Variants in WDR88 observed in about 807,000 individuals in gnomAD.
The protein encoded by WDR88 is WD repeat-containing protein 88.
In WDR88, 40 loss-of-function variants were observed where a neutral mutation model predicts 46.8. The ratio of observed to expected loss-of-function variants is 0.86; its 90% CI spans 0.66 to 1.11. The LOEUF (loss-of-function observed/expected upper bound fraction) is 1.11. Ranked by LOEUF, WDR88 falls within the 50% of genes most tolerant of loss-of-function variation. The pLI, the probability that WDR88 is intolerant of heterozygous loss-of-function variation, is 0.00. For synonymous variants in WDR88, 235 were observed against 240.7 expected (o/e 0.98, Z 0.22); for missense variants, 562 against 602.4 (o/e 0.93, Z 0.70).
intron 9 of WDR88, among the ~76,000 whole-genome samples, chr19:33,165,031 C>A (rs903511752): frequency 6.6e-5 from 10 of 151,964 alleles, no homozygotes; most frequent in African/African-American, 2.4e-4. Flanking sequence ...AAGGAGCACA[C>A]AGCCTAGATC....
At chr19:33,163,747 C>G (rs1374418406) in intron 8 of WDR88, among the ~76,000 whole-genome samples, 1 of 151,480 alleles carries the variant, frequency 6.6e-6, no homozygotes, top group Non-Finnish European at 1.5e-5. Context: ...ACTCTCCCAC[C>G]TTAGCCTCCT....
In WDR88 at chr19:33,148,868, A is replaced by C; in HGVS notation, c.637A>C (p.Ile213Leu). ...CTTCGACGTGGATCATGGAATCTGC[A>C]TAATGGACGCCGAGAACATCACCAC... ...SGFDVDHGIC[I>L]MDAENITTVS... Residue 213 changes from isoleucine to leucine, a missense_variant, in exon 5 of 11, where the codon ATA becomes CTA. By Grantham distance (5) the Ile-to-Leu change is conservative. Transcript: ENST00000355868. The C allele has an allele frequency of 6.2e-7, 1 of 1,614,160 alleles. No homozygotes were observed. The highest frequency in any genetic ancestry group is 8.5e-7 in the Non-Finnish European group (1 of 1,180,030).
intron 1 of WDR88, among the ~76,000 whole-genome samples, chr19:33,134,644 G>A (rs1973213460): frequency 6.6e-6 from 1 of 152,088 alleles, no homozygotes; most frequent in South Asian, 2.1e-4. Context: ...GCCGCTCCTG[G>A]GGTAGGGAGC....
chr19:33,153,110 A>G (rs903915468), intron 6 of WDR88, among the ~76,000 whole-genome samples: 1 of 151,910 alleles, frequency 6.6e-6, no homozygotes, highest in Non-Finnish European at 1.5e-5. Context: ...GAGTGCAGTG[A>G]CGTGATCATA....
At chr19:33,144,102 C>T (rs1343476978) in intron 2 of WDR88, among the ~76,000 whole-genome samples, 1 of 152,178 alleles carries the variant, frequency 6.6e-6, no homozygotes, top group Non-Finnish European at 1.5e-5. Flanking sequence ...TCTAAAACTG[C>T]GCAGCCCCAC....
rs1973735862 is a variant in WDR88, at chr19:33,156,402, A to G, written c.857A>G (p.His286Arg). The G allele has an allele frequency of 1.2e-6, 2 of 1,614,154 alleles. No homozygotes were observed. Among genetic ancestry groups the G allele is most frequent in the Non-Finnish European group, 1.7e-6 (2 of 1,180,030 alleles). ...AACTGCTGTTTTACCTTCAGTGGCC[A>G]TTTCCTGTGTACAAGCTCCTGGGAT... ...ISNCCFTFSG[H>R]FLCTSSWDKN... Residue 286 changes from histidine (H) to arginine (R), a missense_variant, in exon 7 of 11, where the codon CAT becomes CGT. By Grantham distance (29) the His-to-Arg change is conservative. Coordinates refer to ENST00000355868, the MANE Select transcript of WDR88 (RefSeq NM_173479.4).
intron 5 of WDR88, among the ~76,000 whole-genome samples, chr19:33,149,880 G>A (rs934907672): frequency 6.6e-6 from 1 of 151,904 alleles, no homozygotes; most frequent in Non-Finnish European, 1.5e-5. Context: ...GGCTGGTCTC[G>A]AGCTCCTGAC....
At chr19:33,138,740 G>T (rs113374473) in intron 2 of WDR88, among the ~76,000 whole-genome samples, 46 of 139,678 alleles carry the variant, frequency 3.3e-4, no homozygotes, top group Admixed American at 8.4e-4. Context: ...CTGGAGTATA[G>T]TGCCACGATC....
chr19:33,157,421 C>A (rs1463336585), intron 7 of WDR88, among the ~76,000 whole-genome samples: 1 of 149,856 alleles, frequency 6.7e-6, no homozygotes, highest in Non-Finnish European at 1.5e-5. Flanking sequence ...TCGCTTGAAC[C>A]CGGGAGGCGG....
At chr19:33,160,582 TGTGA>T in intron 8 of WDR88, 86 bp downstream of exon 8, 2 of 1,413,338 alleles carry the variant, frequency 1.4e-6, no homozygotes, top group East Asian at 2.3e-5. Flanking sequence ...GGGACACAGC[TGTGA>T]GTGACACAGG....
At chr19:33,158,392 C>T (rs1973802553) in intron 7 of WDR88, among the ~76,000 whole-genome samples, 1 of 151,874 alleles carries the variant, frequency 6.6e-6, no homozygotes, top group African/African-American at 2.4e-5. Flanking sequence ...CGCTCCTACA[C>T]TCTAGCCTGG....
chr19:33,173,267 G>C (rs376917191), intron 10 of WDR88, among the ~76,000 whole-genome samples: 1 of 152,238 alleles, frequency 6.6e-6, no homozygotes, highest in East Asian at 1.9e-4. Flanking sequence ...GGAATGGCCG[G>C]GTACACAGCT....
chr19:33,134,845 C>A (rs986800338), intron 1 of WDR88, among the ~76,000 whole-genome samples: 3 of 134,328 alleles, frequency 2.2e-5, no homozygotes, highest in Non-Finnish European at 3.3e-5. Context: ...CCGACACCCC[C>A]CCCCCCGCCC....
intron 7 of WDR88, 70 bp downstream of exon 7, chr19:33,156,612 C>A: frequency 6.7e-7 from 1 of 1,499,190 alleles, no homozygotes; most frequent in South Asian, 1.3e-5. Flanking sequence ...ATGTTCCGTT[C>A]AAATGGACAG....
chr19:33,132,879 G>T (rs115371965), intron 1 of WDR88, among the ~76,000 whole-genome samples: 201 of 152,286 alleles, frequency 1.3e-3, no homozygotes, highest in African/African-American at 4.6e-3. Flanking sequence ...AATGAATTGG[G>T]CCAGGCAAGG....
intron 2 of WDR88, among the ~76,000 whole-genome samples, chr19:33,143,505 G>A (rs1484011277): frequency 1.3e-5 from 2 of 151,810 alleles, no homozygotes; most frequent in Non-Finnish European, 2.9e-5. Flanking sequence ...TTAGCCAGGC[G>A]TGGTGGCGTG....
At position 33,172,368 on chromosome 19, in the gene WDR88, G is replaced by C. The variant is rs755030166; in HGVS notation, c.1170G>C (p.Trp390Cys). The C allele has an allele frequency of 1.9e-6, 3 of 1,613,940 alleles. No homozygotes were observed. Among genetic ancestry groups the C allele is most frequent in the Non-Finnish European group, 2.5e-6 (3 of 1,179,954 alleles). ...TTTAGGATAGGACCATGAGACTGTG[G>C]AATATTGAAGAAATTGATGAAATTC... ...SASKDRTMRLWNIEEIDEIPL... is the reference protein window; with the variant it reads ...SASKDRTMRLCNIEEIDEIPL... Residue 390 changes from tryptophan to cysteine, a missense_variant, in exon 10 of 11, where the codon TGG (tryptophan) becomes TGC (cysteine). Physicochemically the swap from Trp to Cys is radical, Grantham distance 215. Transcript: ENST00000355868.
chr19:33,133,198 T>TATAGAGAGAG lies in WDR88; in HGVS notation c.276+754_276+755insTAGAGAGAGA, dbSNP rs1555723214. Among the ~76,000 whole-genome samples the TATAGAGAGAG allele has an allele frequency of 2.0e-4, 16 of 79,814 alleles. No homozygotes were observed. In the South Asian group the frequency reaches 2.3e-3, roughly 11 times the overall value. The allele number at this position is 79,814 out of a possible 152,430, so 52.4% of individuals were successfully genotyped here. ...AAATAAATAAATAAATAAATAAATA[T>TATAGAGAGAG]AGAGAGAGAGAGAGAAAGAAAGAAA... On this transcript the variant is annotated intron_variant, in intron 1 of 10. Coordinates refer to ENST00000355868, the MANE Select transcript of WDR88 (RefSeq NM_173479.4).
rs916118934 is a variant in WDR88 at position 33,150,431 on chromosome 19, A to G, written c.680-750A>G. ...GCCTCTGCGCTCCAGCCCAGGTGAC[A>G]GAATGAGGCCCTGTCTCAAAAATAA... On this transcript the variant is annotated intron_variant, in intron 5 of 10. Coordinates refer to ENST00000355868, the MANE Select transcript of WDR88 (RefSeq NM_173479.4). Among the ~76,000 whole-genome samples the G allele has an allele frequency of 2.6e-5, 4 of 152,266 alleles. No homozygotes were observed. In the East Asian group the frequency reaches 7.7e-4, roughly 29 times the overall value.
Sources: gnomAD v4.1 joint callset for allele counts (sites outside exome capture counted in the v4.1 genomes callset) on GRCh38, gnomAD v4.1.1 for gene constraint, MANE v1.5 for transcripts, NCBI Gene and HGNC (gene_info 2026-07-23, HGNC 2026-07-21) for gene names.